DSCAM: variants seen among roughly 807,000 people sequenced by gnomAD.
DSCAM encodes cell adhesion molecule DSCAM.
Under a neutral mutation model 217.7 loss-of-function variants are expected in DSCAM, and 47 were observed. The ratio of observed to expected loss-of-function variants is 0.22; its 90% CI spans 0.17 to 0.28. The LOEUF (loss-of-function observed/expected upper bound fraction) is 0.28. Among genes scored for constraint, DSCAM ranks in the 10% least tolerant of loss-of-function variants. DSCAM has a pLI of 1.00. For missense variants in DSCAM, 2,080 were observed against 2,618.3 expected (o/e 0.79, Z 4.49); for synonymous variants, 1,056 against 1,015.3 (o/e 1.04, Z -0.76).
chr21:40,473,092 C>T (rs1313938939), intron 3 of DSCAM, among the ~76,000 whole-genome samples: 1 of 152,166 alleles, frequency 6.6e-6, no homozygotes, highest in Non-Finnish European at 1.5e-5. Flanking sequence ...TGTTCACCAA[C>T]CAGGCAGAGA....
intron 11 of DSCAM, among the ~76,000 whole-genome samples, chr21:40,259,871 C>G (rs887140353): frequency 1.3e-5 from 2 of 151,546 alleles, no homozygotes; most frequent in Non-Finnish European, 2.9e-5. Flanking sequence ...TCGGTGTACT[C>G]TTGTACAGTT....
chr21:40,250,848 G>T (rs2073293953), intron 11 of DSCAM, among the ~76,000 whole-genome samples: 1 of 152,222 alleles, frequency 6.6e-6, no homozygotes, highest in Non-Finnish European at 1.5e-5. Context: ...AGATTTGAAT[G>T]GGAAAAGGGT....
intron 3 of DSCAM, among the ~76,000 whole-genome samples, chr21:40,430,834 C>T (rs941313158): frequency 7.9e-5 from 12 of 152,136 alleles, no homozygotes; most frequent in South Asian, 2.1e-4. Context: ...ATACCGTGTG[C>T]GACGCACTTG....
intron 15 of DSCAM, among the ~76,000 whole-genome samples, chr21:40,168,843 T>C (rs962779742): frequency 2.0e-5 from 3 of 152,290 alleles, no homozygotes; most frequent in African/African-American, 7.2e-5. Context: ...CACATTCTGG[T>C]TCTATCACTT....
At chr21:40,291,768 C>A (rs78564013) in intron 10 of DSCAM, among the ~76,000 whole-genome samples, 1,735 of 151,870 alleles carry the variant, frequency 0.011, 32 homozygotes, top group African/African-American at 0.034. Context: ...TCCAGCGTCA[C>A]CCCCCAGGCA....
At chr21:40,408,850 G>A (rs1219180139) in intron 3 of DSCAM, among the ~76,000 whole-genome samples, 1 of 152,182 alleles carries the variant, frequency 6.6e-6, no homozygotes, top group African/African-American at 2.4e-5. Flanking sequence ...TCGTAGGCTA[G>A]TGTGATTCCG....
At chr21:40,485,008 C>T (rs1007134474) in intron 3 of DSCAM, among the ~76,000 whole-genome samples, 2 of 152,108 alleles carry the variant, frequency 1.3e-5, no homozygotes, top group Non-Finnish European at 2.9e-5. Flanking sequence ...GAAGCTTCCT[C>T]CAGCAGCTTT....
In DSCAM at chr21:40,044,163, T is replaced by G; in HGVS notation, c.5298A>C (p.Thr1766=). The change falls in exon 31 of 33, where the codon ACA becomes ACC. Residue 1766 remains threonine (T), a synonymous_variant. Coordinates refer to ENST00000400454, the MANE Select transcript of DSCAM (RefSeq NM_001389.5). Reference sequence around the variant, plus strand: ...CCCTGGGTGTTGGCAGCCTCCAGTCTGTGGTGAGGGTGTGTGCTGAGATGG... The same window carrying G: ...CCCTGGGTGTTGGCAGCCTCCAGTCGGTGGTGAGGGTGTGTGCTGAGATGG... ...HPTISAHTLT[T]DWRLPTPRAA... The G allele has an allele frequency of 6.2e-7, 1 of 1,614,160 alleles. No individual in the cohort carries two copies. The highest frequency in any genetic ancestry group is 8.5e-7 in the Non-Finnish European group (1 of 1,180,026).
intron 14 of DSCAM, among the ~76,000 whole-genome samples, 196 bp from the exon 15 acceptor site, chr21:40,179,290 G>A (rs1244502238): frequency 6.6e-6 from 1 of 151,662 alleles, no homozygotes; most frequent in African/African-American, 2.4e-5. Context: ...GGCCATCAGA[G>A]GGGATGTGAC....
At chr21:40,090,452 A>C (rs116779494) in intron 21 of DSCAM, among the ~76,000 whole-genome samples, 2,076 of 152,062 alleles carry the variant, frequency 0.014, 49 homozygotes, top group African/African-American at 0.048. Flanking sequence ...CTCCACACCC[A>C]CTGATGCTGC....
chr21:40,469,531 G>A (rs1159295197), intron 3 of DSCAM, among the ~76,000 whole-genome samples: 2 of 152,160 alleles, frequency 1.3e-5, no homozygotes, highest in East Asian at 3.9e-4. Flanking sequence ...GTGTGGAAAT[G>A]TTAGATGTTT....
chr21:40,518,753 A>G (rs1217127024), intron 3 of DSCAM, among the ~76,000 whole-genome samples: 1 of 149,594 alleles, frequency 6.7e-6, no homozygotes, highest in African/African-American at 2.5e-5. Context: ...GAGTTATAGG[A>G]AGAACATCCA....
At chr21:40,171,432 T>C (rs1423460522) in intron 15 of DSCAM, among the ~76,000 whole-genome samples, 1 of 152,166 alleles carries the variant, frequency 6.6e-6, no homozygotes, top group African/African-American at 2.4e-5. Context: ...GTACAGTTCT[T>C]GTATCCAGGA....
intron 11 of DSCAM, among the ~76,000 whole-genome samples, chr21:40,196,124 C>G (rs975304580): frequency 4.6e-5 from 7 of 152,194 alleles, no homozygotes; most frequent in African/African-American, 1.7e-4. Context: ...TCCTGGTGTC[C>G]CAGGTAAAGG....
intron 3 of DSCAM, among the ~76,000 whole-genome samples, chr21:40,497,678 G>C (rs1258456953): frequency 1.3e-5 from 2 of 152,230 alleles, no homozygotes; most frequent in East Asian, 3.9e-4. Flanking sequence ...GCTCAATTTA[G>C]CCATTCCCCA....
chr21:40,085,636 T>C lies in DSCAM; in HGVS notation c.4098A>G (p.Gly1366=). 1 of 1,577,124 alleles carries C rather than the reference T, an allele frequency of 6.3e-7. No homozygotes were observed. Among genetic ancestry groups the C allele is most frequent in the Non-Finnish European group, 8.7e-7 (1 of 1,152,082 alleles). ...GTAAGTTTAAAATAATTTCATCAGA[T>C]CCCCAGTTGTTATTGGCAATGCAGC... ...YYSCIANNNW[G]SDEIILNLQV... Residue 1366 remains glycine (G), a synonymous_variant, in exon 23 of 33, where the codon GGA becomes GGG. Transcript: ENST00000400454.
chr21:40,354,832 GAGAGAAAC>G (rs2074673606), intron 4 of DSCAM, among the ~76,000 whole-genome samples: 2 of 123,730 alleles, frequency 1.6e-5, no homozygotes. Context: ...CTGGGTGAAA[GAGAGAAAC>G]TCTGTCTCAA....
intron 11 of DSCAM, among the ~76,000 whole-genome samples, chr21:40,214,297 A>G (rs2091218174): frequency 6.6e-6 from 1 of 152,236 alleles, no homozygotes; most frequent in African/African-American, 2.4e-5. Flanking sequence ...TTACTCAGTC[A>G]TAGTTAGCTG....
intron 3 of DSCAM, among the ~76,000 whole-genome samples, chr21:40,484,515 C>A (rs1424935753): frequency 2.0e-5 from 3 of 152,204 alleles, no homozygotes; most frequent in Non-Finnish European, 4.4e-5. Context: ...TAGCAATTCC[C>A]TCATTCATGA....
Sources: allele counts gnomAD v4.1 joint callset (sites outside exome capture counted in the v4.1 genomes callset), GRCh38; gene constraint gnomAD v4.1.1; transcripts MANE v1.5; gene names NCBI Gene and HGNC (gene_info 2026-07-23, HGNC 2026-07-21).